The following ST18 variants were observed in gnomAD, a reference collection of about 807,000 sequenced individuals.
ST18 encodes suppression of tumorigenicity 18 protein.
Under a neutral mutation model 110.0 loss-of-function variants are expected in ST18, and 50 were observed. The ratio of observed to expected loss-of-function variants is 0.45; its 90% CI spans 0.36 to 0.58. The LOEUF (loss-of-function observed/expected upper bound fraction) is 0.58. Among genes scored for constraint, ST18 ranks in the 20% least tolerant of loss-of-function variants. The pLI, the probability that ST18 is intolerant of heterozygous loss-of-function variation, is 0.00. For synonymous variants in ST18, 461 were observed against 452.4 expected, an observed-to-expected ratio of 1.02 and a Z score of -0.24; for missense variants, 1,306 against 1,280.1, an observed-to-expected ratio of 1.02 and a Z score of -0.31.
intron 2 of ST18, among the ~76,000 whole-genome samples, chr8:52,231,004 ACAGAC>A (rs1173361120): frequency 6.6e-6 from 1 of 152,244 alleles, no homozygotes; most frequent in Non-Finnish European, 1.5e-5. Flanking sequence ...CCTAAGAGAA[ACAGAC>A]CCCCAAAATA....
At chr8:52,213,175 A>G (rs2082828283) in intron 7 of ST18, among the ~76,000 whole-genome samples, 1 of 152,220 alleles carries the variant, frequency 6.6e-6, no homozygotes, top group African/African-American at 2.4e-5. Context: ...AAAAAATCTA[A>G]TATGAGCACA....
At chr8:52,293,620 T>C (rs2095588853) in intron 2 of ST18, among the ~76,000 whole-genome samples, 4 of 152,218 alleles carry the variant, frequency 2.6e-5, no homozygotes, top group African/African-American at 9.6e-5. Flanking sequence ...CAGAGTTCTT[T>C]ATATGACATA....
chr8:52,213,027 T>C (rs572099911), intron 7 of ST18, among the ~76,000 whole-genome samples: 4 of 152,210 alleles, frequency 2.6e-5, no homozygotes, highest in Admixed American at 6.5e-5. Context: ...TGGTATCCTA[T>C]TGAGAAGTTT....
Position 52,143,361 on chromosome 8 carries a change from T to C in ST18, c.2053-316A>G, listed in dbSNP as rs182060117. ...TTTGCTGGACGCTGTGGTGCGTGCCTGTAGTCCCAGTTACTCAGGAGGTTG... is the reference window on the plus strand; with the variant it reads ...TTTGCTGGACGCTGTGGTGCGTGCCCGTAGTCCCAGTTACTCAGGAGGTTG... On this transcript the variant is annotated intron_variant, in intron 16 of 25. Transcript: ENST00000689386. Among the ~76,000 whole-genome samples, 254 of 152,170 alleles carry C rather than the reference T, an allele frequency of 1.7e-3. 7 individuals carry two copies. The East Asian group carries it at 0.042, about 25-fold the overall frequency.
chr8:52,207,250 C>T (rs1321087138), intron 8 of ST18, among the ~76,000 whole-genome samples: 1 of 152,168 alleles, frequency 6.6e-6, no homozygotes, highest in Non-Finnish European at 1.5e-5. Context: ...CTTTGGGAGG[C>T]CAAGGCAAGA....
intron 2 of ST18, among the ~76,000 whole-genome samples, chr8:52,280,812 T>C (rs888566347): frequency 6.6e-6 from 1 of 152,080 alleles, no homozygotes; most frequent in African/African-American, 2.4e-5. Flanking sequence ...TTCCAGTAAC[T>C]GATTGATAAA....
chr8:52,241,527 A>G (rs906200943), intron 2 of ST18, among the ~76,000 whole-genome samples: 3 of 152,226 alleles, frequency 2.0e-5, no homozygotes, highest in African/African-American at 7.2e-5. Context: ...GTGAACAACA[A>G]CCCAGACAAG....
At chr8:52,214,953 G>T (rs1359610064) in intron 6 of ST18, among the ~76,000 whole-genome samples, 2 of 152,156 alleles carry the variant, frequency 1.3e-5, no homozygotes, top group Non-Finnish European at 2.9e-5. Context: ...GACTTTAAAA[G>T]CCTGTTGTTT....
chr8:52,188,694 C>A (rs73679163), intron 8 of ST18, among the ~76,000 whole-genome samples: 6,398 of 152,116 alleles, frequency 0.042, 453 homozygotes, highest in African/African-American at 0.14. Context: ...GGCAATAAAC[C>A]AGATGAGAGA....
intron 8 of ST18, among the ~76,000 whole-genome samples, chr8:52,185,704 A>G (rs2071825636): frequency 6.6e-6 from 1 of 152,212 alleles, no homozygotes; most frequent in Non-Finnish European, 1.5e-5. Flanking sequence ...ACAGTGCTCG[A>G]TTAATTGGAT....
At chr8:52,148,545 C>A (rs961140737) in intron 16 of ST18, among the ~76,000 whole-genome samples, 1 of 152,172 alleles carries the variant, frequency 6.6e-6, no homozygotes, top group Non-Finnish European at 1.5e-5. Flanking sequence ...TGAGCACATG[C>A]ATGACTGTGG....
At position 52,266,036 on chromosome 8, in the gene ST18, T is replaced by C. The variant is rs7463550; in HGVS notation, c.-464-35959A>G. 9.7e-3 allele frequency among the ~76,000 whole-genome samples: 1,484 copies of C among 152,328 alleles called. 20 individuals are homozygous for C. The highest frequency in any genetic ancestry group is 0.034 in the African/African-American group (1,409 of 41,552). The stretch of plus-strand genomic sequence containing the variant: ...AAGAAGGAACACGTGGTTAACTGTA[T>C]CAAGTACTGGCAAGGAGTCAAATTA... On this transcript the variant is annotated intron_variant, in intron 2 of 25. Transcript: ENST00000689386.
At chr8:52,142,290 T>A (rs2055438325) in intron 17 of ST18, among the ~76,000 whole-genome samples, 1 of 152,150 alleles carries the variant, frequency 6.6e-6, no homozygotes, top group Non-Finnish European at 1.5e-5. Flanking sequence ...TTTTACAGTT[T>A]TTTTTTGGAA....
intron 2 of ST18, among the ~76,000 whole-genome samples, chr8:52,263,827 A>C (rs1433164165): frequency 9.2e-5 from 13 of 140,722 alleles, no homozygotes; most frequent in African/African-American, 3.0e-5. Context: ...ACTCACTGCA[A>C]CCTCTGCCTC....
chr8:52,186,589 A>G (rs2072336522), intron 8 of ST18, among the ~76,000 whole-genome samples: 1 of 152,244 alleles, frequency 6.6e-6, no homozygotes, highest in South Asian at 2.1e-4. Flanking sequence ...CCATGTCCAT[A>G]TATGCACAAA....
At chr8:52,280,593 A>G (rs1466718747) in intron 2 of ST18, among the ~76,000 whole-genome samples, 1 of 152,068 alleles carries the variant, frequency 6.6e-6, no homozygotes, top group Non-Finnish European at 1.5e-5. Context: ...ATTGATTCAA[A>G]AGCAAAGGCA....
At position 52,256,269 on chromosome 8, in the gene ST18, A is replaced by G. The variant is rs1298485222; in HGVS notation, c.-464-26192T>C. On this transcript the variant is annotated intron_variant, in intron 2 of 25. Transcript: ENST00000689386. ...TTTTGCAATACATTTGGCATTGTGA[A>G]GAATATAATTGCCTAGTGCAAAATT... 1.1e-4 allele frequency among the ~76,000 whole-genome samples: 16 copies of G among 152,250 alleles called. 1 individual carries two copies. Among genetic ancestry groups the G allele is most frequent in the Admixed American group, 1.0e-3 (16 of 15,278 alleles).
chr8:52,353,192 T>C (rs1821164494), intron 2 of ST18, among the ~76,000 whole-genome samples: 3 of 152,208 alleles, frequency 2.0e-5, no homozygotes, highest in Admixed American at 2.0e-4. Flanking sequence ...GGGAGAATTC[T>C]TAATAATAAT....
At position 52,172,127 on chromosome 8, in the gene ST18, G is replaced by A. The variant is rs2065186581; in HGVS notation, c.734C>T (p.Pro245Leu). Residue 245 changes from proline to leucine, a missense_variant, in exon 10 of 26, where the codon CCT (proline) becomes CTT (leucine). Transcript: ENST00000689386. Reference sequence around the variant, plus strand: ...TTCAGAATCACACCTGTTCTCACAAGGGATAAATTTGTCACCTTCAGTTTT... The same window carrying A: ...TTCAGAATCACACCTGTTCTCACAAAGGATAAATTTGTCACCTTCAGTTTT... ...EIKTEGDKFIPCENRCDSETE... is the reference protein window; with the variant it reads ...EIKTEGDKFILCENRCDSETE... 2 of 1,614,214 alleles carry A rather than the reference G, an allele frequency of 1.2e-6. No individual in the cohort carries two copies. The highest frequency in any genetic ancestry group is 1.7e-6 in the Non-Finnish European group (2 of 1,180,042).
Sources: allele counts gnomAD v4.1 joint callset (sites outside exome capture counted in the v4.1 genomes callset), GRCh38; gene constraint gnomAD v4.1.1; transcripts MANE v1.5; gene names NCBI Gene and HGNC (gene_info 2026-07-23, HGNC 2026-07-21).